Variants in APBB2 observed in about 807,000 individuals in gnomAD.
The protein encoded by APBB2 is amyloid beta precursor protein binding family B member 2.
Under a neutral mutation model 82.5 loss-of-function variants are expected in APBB2, and 38 were observed. The observed-to-expected ratio is 0.46, with a 90% CI of 0.36 to 0.60. The LOEUF is 0.60. Among genes scored for constraint, APBB2 ranks in the 20% least tolerant of loss-of-function variants. The pLI, the probability that APBB2 is intolerant of heterozygous loss-of-function variation, is 0.00. For synonymous variants in APBB2, 341 were observed against 368.2 expected (o/e 0.93, Z 0.85); for missense variants, 772 against 972.3 (o/e 0.79, Z 2.74).
At chr4:41,091,527 G>A (rs1229173045) in intron 3 of APBB2, among the ~76,000 whole-genome samples, 2 of 152,144 alleles carry the variant, frequency 1.3e-5, no homozygotes, top group East Asian at 3.9e-4. Context: ...TTTTAGGGGA[G>A]CAACATATCA....
chr4:40,987,141 T>C (rs530647194), intron 6 of APBB2, among the ~76,000 whole-genome samples: 1 of 152,296 alleles, frequency 6.6e-6, no homozygotes, highest in Non-Finnish European at 1.5e-5. Flanking sequence ...AGGTAAAAAT[T>C]TTAACTCTTT....
intron 1 of APBB2, among the ~76,000 whole-genome samples, chr4:41,178,803 G>A (rs1002807829): frequency 2.0e-5 from 3 of 152,218 alleles, no homozygotes; most frequent in African/African-American, 4.8e-5. Context: ...AGACCCAAGT[G>A]TGTTAACTCC....
At chr4:41,204,328 A>G (rs1051019023) in intron 1 of APBB2, among the ~76,000 whole-genome samples, 1 of 152,230 alleles carries the variant, frequency 6.6e-6, no homozygotes, top group African/African-American at 2.4e-5. Context: ...GGCAGTGTAC[A>G]GTAGAAACAG....
intron 1 of APBB2, among the ~76,000 whole-genome samples, chr4:41,180,532 G>T (rs1394400920): frequency 6.6e-6 from 1 of 152,076 alleles, no homozygotes; most frequent in Non-Finnish European, 1.5e-5. Flanking sequence ...TACTTGATGG[G>T]GGGGCAGAGG....
intron 4 of APBB2, among the ~76,000 whole-genome samples, chr4:41,049,927 G>C (rs370576455): frequency 6.6e-6 from 1 of 151,974 alleles, no homozygotes; most frequent in South Asian, 2.1e-4. Flanking sequence ...CAGCATGCTC[G>C]TTAAGAGTCA....
At chr4:40,938,729 G>A (rs1331196498) in intron 7 of APBB2, among the ~76,000 whole-genome samples, 2 of 152,178 alleles carry the variant, frequency 1.3e-5, no homozygotes, top group African/African-American at 2.4e-5. Context: ...ACTGGGTAGA[G>A]AGGAAAAGCA....
intron 1 of APBB2, among the ~76,000 whole-genome samples, chr4:41,160,366 T>C (rs1764847232): frequency 6.6e-6 from 1 of 152,200 alleles, no homozygotes. Context: ...AGAGATTCCT[T>C]AACAGAGATG....
chr4:41,101,112 C>T (rs1337625070), intron 2 of APBB2, among the ~76,000 whole-genome samples: 2 of 152,204 alleles, frequency 1.3e-5, no homozygotes, highest in Non-Finnish European at 2.9e-5. Flanking sequence ...CGAAATCACA[C>T]TTGCCAGTTC....
chr4:41,109,197 T>C (rs1307111059), intron 2 of APBB2, among the ~76,000 whole-genome samples: 1 of 152,102 alleles, frequency 6.6e-6, no homozygotes, highest in Non-Finnish European at 1.5e-5. Flanking sequence ...CCAGAAGTTC[T>C]AGGCTGCAAT....
chr4:40,931,457 G>A (rs1354841269), intron 10 of APBB2, among the ~76,000 whole-genome samples: 3 of 152,110 alleles, frequency 2.0e-5, no homozygotes, highest in East Asian at 1.9e-4. Flanking sequence ...TTTTTGTAGC[G>A]ACAAGGTCTT....
At chr4:41,021,460 T>A (rs1378986305) in intron 5 of APBB2, among the ~76,000 whole-genome samples, 1 of 152,020 alleles carries the variant, frequency 6.6e-6, no homozygotes, top group Non-Finnish European at 1.5e-5. Flanking sequence ...AATGCACCAA[T>A]CAGCACTCTG....
intron 6 of APBB2, among the ~76,000 whole-genome samples, chr4:40,952,659 C>A (rs181882454): frequency 6.6e-6 from 1 of 152,284 alleles, no homozygotes; most frequent in Non-Finnish European, 1.5e-5. Context: ...AAAAGTTCCC[C>A]ATCCATAAAA....
At chr4:41,141,314 CTGTGTGTGTG>C (rs754627377) in intron 2 of APBB2, among the ~76,000 whole-genome samples, 2 of 27,638 alleles carry the variant, frequency 7.2e-5, no homozygotes, top group African/African-American at 1.0e-4. Context: ...ATGTGTGTGT[CTGTGTGTGTG>C]TGTGTGTCTG....
At chr4:41,014,766 A>G (rs1002239416) in intron 5 of APBB2, among the ~76,000 whole-genome samples, 2 of 152,104 alleles carry the variant, frequency 1.3e-5, no homozygotes, top group Non-Finnish European at 2.9e-5. Context: ...TTCCCACTAC[A>G]TTTTTATTCT....
intron 12 of APBB2, among the ~76,000 whole-genome samples, chr4:40,868,452 A>G (rs1578090295): frequency 6.6e-6 from 1 of 152,190 alleles, no homozygotes; most frequent in Non-Finnish European, 1.5e-5. Context: ...TTAGGAACAC[A>G]ATGATCCAGT....
chr4:41,043,703 C>G (rs1317487586), intron 4 of APBB2, among the ~76,000 whole-genome samples: 2 of 152,098 alleles, frequency 1.3e-5, no homozygotes, highest in African/African-American at 4.8e-5. Context: ...TTATGGTAAT[C>G]AGTTCCTGGC....
intron 12 of APBB2, among the ~76,000 whole-genome samples, chr4:40,855,244 CAT>C (rs1260225809): frequency 1.3e-5 from 2 of 152,208 alleles, no homozygotes; most frequent in African/African-American, 4.8e-5. Flanking sequence ...CCCACGCCAG[CAT>C]AGTGTGAGCT....
intron 2 of APBB2, among the ~76,000 whole-genome samples, chr4:41,120,543 T>C (rs1752500243): frequency 6.6e-6 from 1 of 152,210 alleles, no homozygotes; most frequent in African/African-American, 2.4e-5. Context: ...ATGTTTAAGT[T>C]TTATAACATG....
chr4:40,898,703 G>C (rs1242508461), intron 10 of APBB2, among the ~76,000 whole-genome samples: 1 of 151,958 alleles, frequency 6.6e-6, no homozygotes, highest in Non-Finnish European at 1.5e-5. Flanking sequence ...ATGATCTGGA[G>C]GGCTTTCTTA....
Sources: gnomAD v4.1 joint callset for allele counts (sites outside exome capture counted in the v4.1 genomes callset) on GRCh38, gnomAD v4.1.1 for gene constraint, MANE v1.5 for transcripts, NCBI Gene and HGNC (gene_info 2026-07-23, HGNC 2026-07-21) for gene names.